SERINC5: variants seen among roughly 807,000 people sequenced by gnomAD.
The protein encoded by SERINC5 is serine incorporator 5, also known as chromosome 5 open reading frame 12.
In SERINC5, 41 loss-of-function variants were observed where a neutral mutation model predicts 63.1. That is an observed-to-expected ratio of 0.65 (90% CI 0.51 to 0.84). SERINC5 has a LOEUF of 0.84. SERINC5 is among the 40% of genes least tolerant of loss of function. The pLI is 0.00. For missense variants in SERINC5, 523 were observed against 573.0 expected (o/e 0.91, Z 0.89); for synonymous variants, 222 against 215.2 (o/e 1.03, Z -0.28).
intron 8 of SERINC5, among the ~76,000 whole-genome samples, chr5:80,153,514 T>A (rs1200199415): frequency 6.6e-6 from 1 of 152,106 alleles, no homozygotes; most frequent in East Asian, 1.9e-4. Context: ...GAAATTCTTA[T>A]TATCTGCATT....
chr5:80,201,217 G>C (rs912777738), intron 2 of SERINC5, among the ~76,000 whole-genome samples: 1 of 152,142 alleles, frequency 6.6e-6, no homozygotes, highest in Non-Finnish European at 1.5e-5. Context: ...CCCTACTGTG[G>C]GCAGCTCCAT....
intron 5 of SERINC5, among the ~76,000 whole-genome samples, chr5:80,171,532 A>T (rs1241000986): frequency 6.6e-6 from 1 of 152,134 alleles, no homozygotes; most frequent in African/African-American, 2.4e-5. Context: ...TTTGACATTA[A>T]AAAAAGTTAA....
intron 5 of SERINC5, among the ~76,000 whole-genome samples, chr5:80,172,961 A>G (rs1219709801): frequency 6.6e-6 from 1 of 152,164 alleles, no homozygotes; most frequent in African/African-American, 2.4e-5. Flanking sequence ...TTGTTCATTT[A>G]ACAATTGGAG....
intron 2 of SERINC5, among the ~76,000 whole-genome samples, chr5:80,201,550 G>A (rs1262608755): frequency 6.6e-6 from 1 of 152,196 alleles, no homozygotes; most frequent in South Asian, 2.1e-4. Flanking sequence ...GAGGAATAAA[G>A]GTGATGTTTG....
At chr5:80,251,109 C>A (rs142737777) in intron 1 of SERINC5, among the ~76,000 whole-genome samples, 1 of 152,042 alleles carries the variant, frequency 6.6e-6, no homozygotes. Context: ...CAGACCCAGT[C>A]TCTACAAAAA....
intron 2 of SERINC5, among the ~76,000 whole-genome samples, chr5:80,200,651 T>C (rs10036141): frequency 0.16 from 24,578 of 152,216 alleles, 2,234 homozygotes; most frequent in Admixed American, 0.2. Flanking sequence ...AATTTCACTG[T>C]AGTATCCACC....
At chr5:80,206,033 A>G (rs935363566) in intron 1 of SERINC5, among the ~76,000 whole-genome samples, 13 of 151,910 alleles carry the variant, frequency 8.6e-5, no homozygotes, top group Non-Finnish European at 1.6e-4. Context: ...GGGTGGCAGA[A>G]GTACTACATG....
intron 1 of SERINC5, among the ~76,000 whole-genome samples, chr5:80,243,564 C>CT (rs1048952421): frequency 2.6e-5 from 4 of 151,802 alleles, no homozygotes; most frequent in African/African-American, 9.7e-5. Context: ...AAACAGATGC[C>CT]TTTTAAGGTA....
chr5:80,206,768 C>T (rs1416472889), intron 1 of SERINC5, among the ~76,000 whole-genome samples: 2 of 150,452 alleles, frequency 1.3e-5, no homozygotes, highest in South Asian at 2.1e-4. Flanking sequence ...TTCTCTGGGT[C>T]CTGCCTCCTG....
At chr5:80,186,453 T>A (rs1748817060) in intron 2 of SERINC5, among the ~76,000 whole-genome samples, 1 of 152,174 alleles carries the variant, frequency 6.6e-6, no homozygotes, top group African/African-American at 2.4e-5. Flanking sequence ...GTAAGGTGAA[T>A]CTTTCCTTGG....
chr5:80,224,133 C>CAAAAA (rs33915521), intron 1 of SERINC5, among the ~76,000 whole-genome samples: 1 of 102,156 alleles, frequency 9.8e-6, no homozygotes, highest in Non-Finnish European at 1.9e-5. Context: ...AACTCCGTCT[C>CAAAAA]AAAAAAAAAA....
chr5:80,213,741 A>C (rs1750539927), intron 1 of SERINC5, among the ~76,000 whole-genome samples: 1 of 152,132 alleles, frequency 6.6e-6, no homozygotes, highest in South Asian at 2.1e-4. Context: ...TCTTGCCCCA[A>C]GCAGCTCAAC....
intron 6 of SERINC5, among the ~76,000 whole-genome samples, chr5:80,168,750 C>T (rs1380338444): frequency 1.3e-5 from 2 of 152,192 alleles, no homozygotes; most frequent in Admixed American, 6.5e-5. Flanking sequence ...ACTTTCAGAT[C>T]CCACTGTCTC....
chr5:80,199,363 C>G (rs34061557), intron 2 of SERINC5, among the ~76,000 whole-genome samples: 1 of 152,132 alleles, frequency 6.6e-6, no homozygotes, highest in Non-Finnish European at 1.5e-5. Flanking sequence ...GAGTACAGTG[C>G]TGATGAAGTA....
At position 80,150,937 on chromosome 5, in the gene SERINC5, G is replaced by A. The variant is rs918862664; in HGVS notation, c.998C>T (p.Thr333Ile). 2 of 1,613,010 alleles carry A rather than the reference G, an allele frequency of 1.2e-6. No individual in the cohort carries two copies. The highest frequency in any genetic ancestry group is 3.3e-5 in the Admixed American group (2 of 60,020). ...CAGAGCGTCAGAACTCGATCTTGTT[G>A]TTGATGTCAAACTAAGAAACAGACA... ...GCILYSCLTS[T>I]TRSSSDALQG... Residue 333 changes from threonine (T) to isoleucine (I), a missense_variant, in exon 9 of 12, where the codon ACA becomes ATA. Transcript: ENST00000507668.
At chr5:80,246,060 A>T (rs1448592981) in intron 1 of SERINC5, among the ~76,000 whole-genome samples, 1 of 152,126 alleles carries the variant, frequency 6.6e-6, no homozygotes, top group Non-Finnish European at 1.5e-5. Context: ...AGCTAAAGAA[A>T]AATTACCACT....
rs1238116810 is a variant in SERINC5, at chr5:80,141,454, C to CT, written c.*2208_*2209insA. On this transcript the variant is annotated 3_prime_UTR_variant, in exon 12 of 12. Coordinates refer to ENST00000507668, the MANE Select transcript of SERINC5 (RefSeq NM_001174072.3). ...CCTTGTCAGCTGGACCTTGACTGCG[C>CT]GTAAGGTCAGTTTCTCAAATCACAC... 5.1e-6 allele frequency: 5 copies of CT among 981,224 alleles called. No individual in the cohort carries two copies. The highest frequency in any genetic ancestry group is 1.9e-5 in the African/African-American group (1 of 53,160). 60.8% of individuals were successfully genotyped at this position (981,224 alleles called of 1,614,324 possible). A position where few individuals can be genotyped will look rare whatever the true frequency, so the allele number is the denominator to read the frequency against.
chr5:80,162,574 A>G (rs1276648253), intron 7 of SERINC5, among the ~76,000 whole-genome samples: 2 of 152,074 alleles, frequency 1.3e-5, no homozygotes, highest in East Asian at 1.9e-4. Flanking sequence ...GGATTTCCCT[A>G]TGTTGCTCAG....
intron 1 of SERINC5, among the ~76,000 whole-genome samples, chr5:80,225,375 T>A (rs1297849205): frequency 3.3e-5 from 5 of 152,166 alleles, no homozygotes; most frequent in Admixed American, 1.3e-4. Context: ...GACTCCTAAG[T>A]CCATTTGTTT....
Sources: gnomAD v4.1 joint callset for allele counts (sites outside exome capture counted in the v4.1 genomes callset) on GRCh38, gnomAD v4.1.1 for gene constraint, MANE v1.5 for transcripts, NCBI Gene and HGNC (gene_info 2026-07-23, HGNC 2026-07-21) for gene names.